MUSK: variants seen among roughly 807,000 people sequenced by gnomAD.
MUSK encodes muscle, skeletal receptor tyrosine-protein kinase.
Under a neutral mutation model 88.7 loss-of-function variants are expected in MUSK, and 55 were observed. That is an observed-to-expected ratio of 0.62 (90% CI 0.50 to 0.78). The LOEUF (loss-of-function observed/expected upper bound fraction) is 0.78, where lower values mean the gene tolerates loss of function less well. MUSK is among the 30% of genes least tolerant of loss of function. The pLI, the probability that MUSK is intolerant of heterozygous loss-of-function variation, is 0.00. For missense variants in MUSK, 1,015 were observed against 1,074.3 expected (o/e 0.94, Z 0.77); for synonymous variants, 387 against 391.9 (o/e 0.99, Z 0.15).
intron 6 of MUSK, among the ~76,000 whole-genome samples, chr9:110,742,810 C>T (rs1473686952): frequency 2.0e-5 from 3 of 152,136 alleles, no homozygotes; most frequent in Non-Finnish European, 2.9e-5. Context: ...AGTACATCCG[C>T]AGTTCTTACG....
At chr9:110,747,934 C>T in intron 7 of MUSK, 134 bp downstream of exon 7, 1 of 1,222,462 alleles carries the variant, frequency 8.2e-7, no homozygotes, top group Non-Finnish European at 1.2e-6. Flanking sequence ...ATTTCCTCCC[C>T]CATGGGGATA....
intron 5 of MUSK, among the ~76,000 whole-genome samples, chr9:110,730,872 T>C (rs10980548): frequency 0.35 from 52,550 of 151,738 alleles, 9,620 homozygotes; most frequent in African/African-American, 0.4. Context: ...ACATAACTTA[T>C]GTTTCCTCAT....
rs571948105 is a variant in MUSK, at chr9:110,712,990, T to A, written c.628+15524T>A. Among the ~76,000 whole-genome samples, 9 of 152,086 alleles carry A rather than the reference T, an allele frequency of 5.9e-5. No homozygotes were observed. The South Asian group carries it at 1.9e-3, about 32-fold the overall frequency. ...AAGGTCAGGGAAATCTTCAGAGAGG[T>A]GAAGGCCAACAGGGCTTTGATTGAT... On this transcript the variant is annotated intron_variant, in intron 5 of 14. Coordinates refer to ENST00000374448, the MANE Select transcript of MUSK (RefSeq NM_005592.4).
chr9:110,701,951 T>C (rs2076533630), intron 5 of MUSK, among the ~76,000 whole-genome samples: 1 of 147,492 alleles, frequency 6.8e-6, no homozygotes, highest in Admixed American at 7.1e-5. Context: ...TCTTGCTATG[T>C]TGCCCAGGCT....
intron 3 of MUSK, among the ~76,000 whole-genome samples, chr9:110,689,935 T>G (rs1340084829): frequency 1.0e-5 from 1 of 95,656 alleles, no homozygotes; most frequent in Non-Finnish European, 1.8e-5. Flanking sequence ...ATATAATATA[T>G]AAATATATAT....
At chr9:110,785,871 A>G (rs2077849236) in intron 13 of MUSK, among the ~76,000 whole-genome samples, 153 bp downstream of exon 13, 1 of 148,830 alleles carries the variant, frequency 6.7e-6, no homozygotes, top group African/African-American at 2.5e-5. Context: ...TAGTACATAT[A>G]TATGTACACT....
intron 5 of MUSK, among the ~76,000 whole-genome samples, chr9:110,720,093 A>G (rs1403912948): frequency 6.6e-6 from 1 of 152,074 alleles, no homozygotes; most frequent in Non-Finnish European, 1.5e-5. Context: ...TCTGGGATAC[A>G]GCAAAAACGG....
At chr9:110,776,685 CT>C in intron 11 of MUSK, 30 bp downstream of exon 11, 1 of 1,552,440 alleles carries the variant, frequency 6.4e-7, no homozygotes, top group Non-Finnish European at 8.8e-7. Flanking sequence ...CCCTTGAAAC[CT>C]TATGTGTATG....
chr9:110,733,916 C>A (rs187096225), intron 5 of MUSK, among the ~76,000 whole-genome samples: 94 of 152,110 alleles, frequency 6.2e-4, no homozygotes, highest in African/African-American at 2.2e-3. Flanking sequence ...TAAGAAGGAC[C>A]TTTCTGAGAA....
At position 110,784,827 on chromosome 9, in the gene MUSK, T is replaced by C; in HGVS notation, c.1397T>C (p.Met466Thr). The C allele has an allele frequency of 6.2e-7, 1 of 1,611,188 alleles. No homozygotes were observed. Among genetic ancestry groups the C allele is most frequent in the East Asian group, 2.2e-5 (1 of 44,822 alleles). Reference sequence around the variant, plus strand: ...TCTTTACTTACAGCATTCCCACCAATGACGTCCTCAAAGCCAAGTGTGGAC... The same window carrying C: ...TCTTTACTTACAGCATTCCCACCAACGACGTCCTCAAAGCCAAGTGTGGAC... ...NKENLKTFPPMTSSKPSVDIP... is the reference protein window; with the variant it reads ...NKENLKTFPPTTSSKPSVDIP... The change falls in exon 12 of 15, where the codon ATG becomes ACG. Residue 466 changes from methionine (M) to threonine (T), a missense_variant. Met to Thr is a moderately conservative substitution (Grantham distance 81). Coordinates refer to ENST00000374448, the MANE Select transcript of MUSK (RefSeq NM_005592.4).
chr9:110,721,764 A>G (rs2076813188), intron 5 of MUSK, among the ~76,000 whole-genome samples: 1 of 152,166 alleles, frequency 6.6e-6, no homozygotes, highest in African/African-American at 2.4e-5. Flanking sequence ...ATGGAACCTA[A>G]AAAGAGCCCA....
Position 110,767,919 on chromosome 9 carries a change from C to T in MUSK, c.1020C>T (p.Ser340=), listed in dbSNP as rs530795175. 2 of 1,613,940 alleles carry T rather than the reference C, an allele frequency of 1.2e-6. No individual in the cohort carries two copies. Among genetic ancestry groups the T allele is most frequent in the African/African-American group, 1.3e-5 (1 of 75,036 alleles). Residue 340 remains serine (S), a synonymous_variant, in exon 9 of 15, where the codon TCC becomes TCT. Transcript: ENST00000374448. ...AKDALVFLNT[S]YADPEEAQEL... Reference sequence around the variant, plus strand: ...ATGCTCTTGTTTTTCTCAACACCTCCTATGCGGACCCTGAGGAGGCCCAAG... The same window carrying T: ...ATGCTCTTGTTTTTCTCAACACCTCTTATGCGGACCCTGAGGAGGCCCAAG...
At chr9:110,686,574 A>T (rs2076198765) in intron 2 of MUSK, among the ~76,000 whole-genome samples, 2 of 152,142 alleles carry the variant, frequency 1.3e-5, no homozygotes, top group Non-Finnish European at 2.9e-5. Context: ...TATGTAAAGC[A>T]TATATTTTTA....
chr9:110,716,469 A>G (rs1013364120), intron 5 of MUSK, among the ~76,000 whole-genome samples: 1 of 150,230 alleles, frequency 6.7e-6, no homozygotes, highest in Non-Finnish European at 1.5e-5. Context: ...AGAAGCATTT[A>G]TAATTTTCCA....
At position 110,687,213 on chromosome 9, in the gene MUSK, C is replaced by T; in HGVS notation, c.303C>T (p.Ala101=). 2.5e-6 allele frequency: 4 copies of T among 1,613,818 alleles called. No individual in the cohort carries two copies. Among genetic ancestry groups the T allele is most frequent in the Non-Finnish European group, 3.4e-6 (4 of 1,179,816 alleles). ...ATGATGGCATTTACTGCTGCACGGC[C>T]AACAATGGTGTGGGAGGAGCTGTGG... is the stretch of plus-strand genomic sequence containing the variant. ...DSDDGIYCCT[A]NNGVGGAVES... is the part of the protein sequence containing the mutation. Residue 101 remains alanine, a synonymous_variant, in exon 3 of 15, where the codon GCC becomes GCT. Transcript: ENST00000374448.
Position 110,800,277 on chromosome 9 carries a change from G to A in MUSK, c.1928-29G>A, listed in dbSNP as rs778722637. The A allele has an allele frequency of 8.9e-6, 14 of 1,570,214 alleles. No individual in the cohort carries two copies. In the East Asian group the frequency reaches 2.9e-4, roughly 33 times the overall value. ...TCCATTGTTTCATTGTAGAAACTGA[G>A]ACTAACAGGGATGGTCTTTTGGTTC... On this transcript the variant is annotated intron_variant, in intron 14 of 14. Coordinates refer to ENST00000374448, the MANE Select transcript of MUSK (RefSeq NM_005592.4).
chr9:110,749,454 C>G (rs1024345625), intron 7 of MUSK, among the ~76,000 whole-genome samples: 2 of 152,000 alleles, frequency 1.3e-5, no homozygotes, highest in Admixed American at 1.3e-4. Flanking sequence ...GGCTAGACCA[C>G]GAGAGAGACA....
At chr9:110,676,115 G>A (rs2076023719) in intron 1 of MUSK, among the ~76,000 whole-genome samples, 1 of 151,328 alleles carries the variant, frequency 6.6e-6, no homozygotes, top group Non-Finnish European at 1.5e-5. Context: ...CACTTCTTTG[G>A]CATTCTATCT....
At chr9:110,778,478 T>C (rs965264514) in intron 11 of MUSK, among the ~76,000 whole-genome samples, 7 of 152,128 alleles carry the variant, frequency 4.6e-5, no homozygotes, top group African/African-American at 1.7e-4. Context: ...GCTCTTTCTA[T>C]ACATATACAT....
Sources: allele counts gnomAD v4.1 joint callset (sites outside exome capture counted in the v4.1 genomes callset), GRCh38; gene constraint gnomAD v4.1.1; transcripts MANE v1.5; gene names NCBI Gene and HGNC (gene_info 2026-07-23, HGNC 2026-07-21).